LTBP1: variants seen among roughly 807,000 people sequenced by gnomAD.
LTBP1 encodes the protein latent transforming growth factor beta binding protein 1.
In LTBP1, 129 loss-of-function variants were observed where a neutral mutation model predicts 207.6. The observed-to-expected ratio is 0.62, with a 90% CI of 0.54 to 0.72. LTBP1 has a LOEUF of 0.72. Ranked by LOEUF, LTBP1 falls within the 30% of genes least tolerant of loss-of-function variation. LTBP1 has a pLI of 0.00. For missense variants in LTBP1, 2,281 were observed against 2,217.2 expected, an observed-to-expected ratio of 1.03 and a Z score of -0.58; for synonymous variants, 963 against 833.7, an observed-to-expected ratio of 1.16 and a Z score of -2.67.
At position 33,020,915 on chromosome 2, in the gene LTBP1, G is replaced by A. The variant is rs2075134011; in HGVS notation, c.572G>A (p.Cys191Tyr). Reference protein sequence around the residue: ...PGSQRCTKPSCVPPCQNGGMC... With the variant: ...PGSQRCTKPSYVPPCQNGGMC... ...TTCTGTTTTCTTTCTGCAGCTAGCT[G>A]TGTTCCGCCATGTCAGAATGGAGGG... is the stretch of plus-strand genomic sequence containing the variant. The change falls in exon 3 of 34, where the codon TGT becomes TAT. Residue 191 changes from cysteine (C) to tyrosine (Y), a missense_variant. Transcript: ENST00000404816. 6.3e-7 allele frequency: 1 copy of A among 1,579,362 alleles called. No homozygotes were observed. Among genetic ancestry groups the A allele is most frequent in the African/African-American group, 1.3e-5 (1 of 74,280 alleles).
intron 31 of LTBP1, among the ~76,000 whole-genome samples, chr2:33,381,104 C>A (rs1205171879): frequency 1.3e-5 from 2 of 152,164 alleles, no homozygotes; most frequent in African/African-American, 4.8e-5. Context: ...GTTGTTCAGT[C>A]TTGTCTCTTA....
chr2:33,007,101 G>T (rs970579738), intron 2 of LTBP1, among the ~76,000 whole-genome samples: 1 of 152,112 alleles, frequency 6.6e-6, no homozygotes, highest in African/African-American at 2.4e-5. Flanking sequence ...GTCTCACTCT[G>T]TCGCCCAGGC....
intron 4 of LTBP1, among the ~76,000 whole-genome samples, chr2:33,113,686 G>T (rs964451394): frequency 2.0e-5 from 3 of 152,148 alleles, no homozygotes; most frequent in Non-Finnish European, 2.9e-5. Flanking sequence ...GTGTTCTCTG[G>T]TCATTGGTAA....
intron 5 of LTBP1, among the ~76,000 whole-genome samples, chr2:33,182,687 G>GAGATAGATATATATATATATAT (rs1469125010): frequency 3.0e-5 from 2 of 67,006 alleles, no homozygotes; most frequent in Admixed American, 1.5e-4. Flanking sequence ...AAAAGATGGT[G>GAGATAGATATATATATATATAT]ATATATATAT....
chr2:32,948,681 CCT>C (rs1284390885), intron 1 of LTBP1, among the ~76,000 whole-genome samples, 192 bp from the exon 2 acceptor site: 1 of 152,134 alleles, frequency 6.6e-6, no homozygotes, highest in Non-Finnish European at 1.5e-5. Context: ...CCCAGCATTC[CCT>C]GATATATGTA....
intron 1 of LTBP1, among the ~76,000 whole-genome samples, chr2:32,948,485 C>T (rs6745339): frequency 0.19 from 28,873 of 152,128 alleles, 3,309 homozygotes; most frequent in East Asian, 0.53. Flanking sequence ...GGGGTGATTC[C>T]AGGCCATGTG....
chr2:32,947,417 G>A lies in LTBP1; in HGVS notation c.93G>A (p.Val31=). 1 of 1,435,592 alleles carries A rather than the reference G, an allele frequency of 7.0e-7. No homozygotes were observed. The highest frequency in any genetic ancestry group is 9.1e-7 in the Non-Finnish European group (1 of 1,096,232). 88.9% of individuals were successfully genotyped at this position (1,435,592 alleles called of 1,614,324 possible). The change falls in exon 1 of 34, where the codon GTG becomes GTA. Residue 31 remains valine, a synonymous_variant. Coordinates refer to ENST00000404816, the MANE Select transcript of LTBP1 (RefSeq NM_206943.4). ...GCCGGCTGCGGAGGATCACCTACGT[G>A]GTGCACCCGGGCCCCGGCCTGGCAG... is the stretch of plus-strand genomic sequence containing the variant. ...AHGRLRRITY[V]VHPGPGLAAG...
At chr2:33,206,693 T>G (rs1573179512) in intron 7 of LTBP1, among the ~76,000 whole-genome samples, 1 of 150,624 alleles carries the variant, frequency 6.6e-6, no homozygotes, top group African/African-American at 2.5e-5. Context: ...GAGCCGAGAT[T>G]GTGCCACTGC....
At chr2:33,301,933 T>A (rs1320235813) in intron 22 of LTBP1, among the ~76,000 whole-genome samples, 1 of 152,248 alleles carries the variant, frequency 6.6e-6, no homozygotes, top group African/African-American at 2.4e-5. Context: ...TACATAGTTC[T>A]GAACTGTAAC....
chr2:33,154,455 T>A (rs2083787859), intron 5 of LTBP1, among the ~76,000 whole-genome samples: 1 of 152,192 alleles, frequency 6.6e-6, no homozygotes, highest in South Asian at 2.1e-4. Context: ...TTGAAACTGC[T>A]AGAATATTTT....
At chr2:32,977,217 A>G (rs1254126458) in intron 2 of LTBP1, among the ~76,000 whole-genome samples, 2 of 152,146 alleles carry the variant, frequency 1.3e-5, no homozygotes, top group Non-Finnish European at 2.9e-5. Flanking sequence ...TCCCAGGACA[A>G]CAGGAGGTTA....
chr2:33,242,496 C>T (rs1472594792), intron 9 of LTBP1, among the ~76,000 whole-genome samples: 3 of 152,026 alleles, frequency 2.0e-5, no homozygotes, highest in Non-Finnish European at 4.4e-5. Context: ...CCAATGTGAC[C>T]TTGAACTATA....
At chr2:33,270,645 A>G (rs1402573148) in intron 15 of LTBP1, among the ~76,000 whole-genome samples, 1 of 150,912 alleles carries the variant, frequency 6.6e-6, no homozygotes, top group Non-Finnish European at 1.5e-5. Context: ...GATGGAAGGG[A>G]TCTCTGAGGT....
Position 33,134,385 on chromosome 2 carries a change from T to C in LTBP1, c.1034-408T>C. 1 of 487,604 alleles carries C rather than the reference T, an allele frequency of 2.1e-6. No individual in the cohort carries two copies. The highest frequency in any genetic ancestry group is 3.3e-4 in the Middle Eastern group (1 of 3,066). The allele number at this position is 487,604 out of a possible 1,614,324, so 30.2% of individuals were successfully genotyped here. On this transcript the variant is annotated intron_variant, in intron 4 of 33. Transcript: ENST00000404816. This position sits in a 1 kb window ranked among gnomAD's most constrained non-coding sequence, Gnocchi z 4.4. ...TGCAAGTTGAGGACACAAGAGTTTA[T>C]TCACCGCTAGGTGCACGGCCAACCC...
At chr2:33,334,674 G>A (rs1446770325) in intron 24 of LTBP1, among the ~76,000 whole-genome samples, 2 of 152,132 alleles carry the variant, frequency 1.3e-5, no homozygotes, top group African/African-American at 2.4e-5. Context: ...AACTGTAGAT[G>A]GTGAATACCT....
intron 2 of LTBP1, among the ~76,000 whole-genome samples, chr2:33,009,842 GT>G (rs1334765633): frequency 6.6e-6 from 1 of 152,196 alleles, no homozygotes; most frequent in Non-Finnish European, 1.5e-5. Flanking sequence ...GACATGCTAA[GT>G]TTGAGAAGCC....
rs755199459 is a variant in LTBP1, at chr2:33,360,645, A to T, written c.4049A>T (p.Tyr1350Phe). ...CCCAAAGAAGAAAAGAAAGAATGCTACTATAATCTCAATGACGCCAGTCTC... is the reference window on the plus strand; with the variant it reads ...CCCAAAGAAGAAAAGAAAGAATGCTTCTATAATCTCAATGACGCCAGTCTC... ...DQPKEEKKEC[Y>F]YNLNDASLCD... is the part of the protein sequence containing the mutation. The change falls in exon 27 of 34, where the codon TAC becomes TTC. Residue 1350 changes from tyrosine to phenylalanine, a missense_variant. Around this residue, in one of 3 missense-constraint regions of LTBP1, gnomAD observed 1,671 missense variants for 1,634.8 expected, o/e 1.02. Coordinates refer to ENST00000404816, the MANE Select transcript of LTBP1 (RefSeq NM_206943.4). 2 of 1,613,834 alleles carry T rather than the reference A, an allele frequency of 1.2e-6. No homozygotes were observed. Among genetic ancestry groups the T allele is most frequent in the Non-Finnish European group, 8.5e-7 (1 of 1,179,694 alleles).
chr2:33,117,615 C>G (rs540442513), intron 4 of LTBP1, among the ~76,000 whole-genome samples: 1 of 152,322 alleles, frequency 6.6e-6, no homozygotes, highest in African/African-American at 2.4e-5. Flanking sequence ...GACAGGTCTG[C>G]TTATGCCAGC....
In LTBP1 at chr2:33,243,804, T is replaced by G; in HGVS notation, c.1999+20T>G. 6.2e-7 allele frequency: 1 copy of G among 1,613,578 alleles called. No individual in the cohort carries two copies. On this transcript the variant is annotated intron_variant, in intron 10 of 33. Coordinates refer to ENST00000404816, the MANE Select transcript of LTBP1 (RefSeq NM_206943.4). ...GTGTTCGTAAGTAATAATCACTTTT[T>G]ATTCCTGTTTTGGATTAATTGTCTT...
Sources: allele counts gnomAD v4.1 joint callset (sites outside exome capture counted in the v4.1 genomes callset), GRCh38; gene constraint gnomAD v4.1.1; regional missense constraint gnomAD v4.1.1; non-coding constraint Gnocchi (gnomAD v3.1); transcripts MANE v1.5; gene names NCBI Gene and HGNC (gene_info 2026-07-23, HGNC 2026-07-21).